Variants in KLHL8 observed in about 807,000 individuals in gnomAD.
KLHL8 encodes kelch like family member 8.
Under a neutral mutation model 63.5 loss-of-function variants are expected in KLHL8, and 38 were observed. That is an observed-to-expected ratio of 0.60 (90% CI 0.46 to 0.78). The LOEUF (loss-of-function observed/expected upper bound fraction) is 0.78, where lower values mean the gene tolerates loss of function less well. Ranked by LOEUF, KLHL8 falls within the 30% of genes least tolerant of loss-of-function variation. The pLI is 0.00. For synonymous variants in KLHL8, 224 were observed against 254.3 expected (o/e 0.88, Z 1.13); for missense variants, 566 against 752.4 (o/e 0.75, Z 2.90).
chr4:87,216,535 G>T (rs975060841), intron 1 of KLHL8, among the ~76,000 whole-genome samples: 5 of 151,964 alleles, frequency 3.3e-5, no homozygotes, highest in African/African-American at 1.2e-4. Context: ...TTTCTCCCCA[G>T]AAAAGTATAA....
intron 1 of KLHL8, among the ~76,000 whole-genome samples, chr4:87,203,808 A>G (rs1036477247): frequency 6.6e-6 from 1 of 151,994 alleles, no homozygotes; most frequent in Non-Finnish European, 1.5e-5. Context: ...GACTCCATCA[A>G]AATTAAAACC....
At chr4:87,204,229 A>G (rs532282436) in intron 1 of KLHL8, among the ~76,000 whole-genome samples, 1 of 152,118 alleles carries the variant, frequency 6.6e-6, no homozygotes, top group South Asian at 2.1e-4. Context: ...CCACATCCCC[A>G]TACACACACC....
At chr4:87,188,651 C>T (rs1165039971) in intron 2 of KLHL8, among the ~76,000 whole-genome samples, 1 of 152,116 alleles carries the variant, frequency 6.6e-6, no homozygotes, top group Non-Finnish European at 1.5e-5. Flanking sequence ...TGCACTGATT[C>T]TCCTTTGATG....
chr4:87,174,639 C>A (rs992029487), intron 6 of KLHL8, among the ~76,000 whole-genome samples: 1 of 151,978 alleles, frequency 6.6e-6, no homozygotes, highest in Non-Finnish European at 1.5e-5. Context: ...CTAAGATAGC[C>A]CTCTTCTCTC....
In KLHL8 at chr4:87,235,121, C is replaced by T. The variant is rs535414998; in HGVS notation, n.57+5137G>A. Among the ~76,000 whole-genome samples the T allele has an allele frequency of 3.3e-5, 5 of 152,116 alleles. No individual in the cohort carries two copies. In the South Asian group the frequency reaches 1.0e-3, roughly 32 times the overall value. On this transcript the variant is annotated intron_variant and non_coding_transcript_variant, in intron 1 of 1. Coordinates refer to the KLHL8 transcript ENST00000506274. ...TAAATATATTTTATTTATAGTGTAG[C>T]CTGACTGTACAGTGTTTGTAAAGTC... is the stretch of plus-strand genomic sequence containing the variant.
chr4:87,208,469 C>A (rs1732251559), intron 1 of KLHL8, among the ~76,000 whole-genome samples: 1 of 151,732 alleles, frequency 6.6e-6, no homozygotes, highest in African/African-American at 2.4e-5. Context: ...CAGGCTCCAG[C>A]AATCCTACAG....
At chr4:87,178,921 T>C (rs1422907698) in intron 4 of KLHL8, among the ~76,000 whole-genome samples, 2 of 152,206 alleles carry the variant, frequency 1.3e-5, no homozygotes, top group Non-Finnish European at 2.9e-5. Flanking sequence ...AATTTCTTAT[T>C]GAACACAATT....
intron 1 of KLHL8, among the ~76,000 whole-genome samples, chr4:87,232,661 G>T (rs924879423): frequency 1.3e-5 from 2 of 152,190 alleles, no homozygotes; most frequent in African/African-American, 4.8e-5. Context: ...TCCAGTGATC[G>T]TACATTCTGG....
intron 1 of KLHL8, among the ~76,000 whole-genome samples, chr4:87,218,946 G>A (rs935003289): frequency 1.3e-5 from 2 of 152,000 alleles, no homozygotes; most frequent in East Asian, 3.9e-4. Flanking sequence ...ATGTTGGCCA[G>A]ACTGGTCTCG....
At chr4:87,194,037 C>G (rs1488863637) in intron 2 of KLHL8, among the ~76,000 whole-genome samples, 1 of 152,116 alleles carries the variant, frequency 6.6e-6, no homozygotes, top group Non-Finnish European at 1.5e-5. Context: ...TTATTTTTCT[C>G]TTCTATTAAA....
upstream of KLHL8, among the ~76,000 whole-genome samples, chr4:87,225,523 G>A (rs1013451026): frequency 6.6e-6 from 1 of 152,148 alleles, no homozygotes; most frequent in Non-Finnish European, 1.5e-5. Context: ...GGGCCATAAG[G>A]TCTCTGTTGC....
Position 87,214,879 on chromosome 4 carries a change from G to GCCT in KLHL8, c.-152+5536_-152+5538dup, listed in dbSNP as rs1023635205. Among the ~76,000 whole-genome samples the GCCT allele has an allele frequency of 5.5e-4, 83 of 152,074 alleles. 1 individual carries two copies. The highest frequency in any genetic ancestry group is 5.3e-3 in the Admixed American group (81 of 15,276). ...AGTGGCACAATCTCAGCTCACTGCA[G>GCCT]CCTCCTCCTCCTGGGTTCACATGAT... On this transcript the variant is annotated intron_variant, in intron 1 of 9. Transcript: ENST00000273963.
At position 87,213,596 on chromosome 4, in the gene KLHL8, A is replaced by C. The variant is rs140592351; in HGVS notation, c.-152+6822T>G. Among the ~76,000 whole-genome samples, 606 of 152,252 alleles carry C rather than the reference A, an allele frequency of 4.0e-3. 3 individuals are homozygous for C. Among genetic ancestry groups the C allele is most frequent in the African/African-American group, 0.014 (589 of 41,542 alleles). ...ACATAGTTACTGACATTAGATTACT[A>C]CTAGCTACATTACTGGGAAGTTACC... is the stretch of plus-strand genomic sequence containing the variant. On this transcript the variant is annotated intron_variant, in intron 1 of 9. Coordinates refer to ENST00000273963, the MANE Select transcript of KLHL8 (RefSeq NM_020803.5).
chr4:87,176,731 C>G (rs111476215), intron 6 of KLHL8, 26 bp downstream of exon 6: 10 of 1,305,516 alleles, frequency 7.7e-6, no homozygotes, highest in African/African-American at 2.9e-5. Context: ...ACCATCAGTT[C>G]AAAATAACTT....
Position 87,163,396 on chromosome 4 carries a change from A to G in KLHL8, c.*123T>C. 1 of 952,236 alleles carries G rather than the reference A, an allele frequency of 1.1e-6. No homozygotes were observed. The highest frequency in any genetic ancestry group is 1.7e-5 in the South Asian group (1 of 58,564). 59.0% of individuals were successfully genotyped at this position (952,236 alleles called of 1,614,324 possible). ...AAAAGTTGTACTTAGTCACAATACAACAGTTAACATTTAAATAAGACTCTA... is the reference window on the plus strand; with the variant it reads ...AAAAGTTGTACTTAGTCACAATACAGCAGTTAACATTTAAATAAGACTCTA... On this transcript the variant is annotated 3_prime_UTR_variant, in exon 10 of 10. Coordinates refer to ENST00000273963, the MANE Select transcript of KLHL8 (RefSeq NM_020803.5).
At chr4:87,180,504 A>G (rs1731009143) in intron 4 of KLHL8, among the ~76,000 whole-genome samples, 1 of 152,274 alleles carries the variant, frequency 6.6e-6, no homozygotes, top group South Asian at 2.1e-4. Context: ...TTATGAAGAT[A>G]TAAAAGTACC....
chr4:87,226,967 TTA>T (rs1317066539), intron 1 of KLHL8, among the ~76,000 whole-genome samples: 2 of 53,166 alleles, frequency 3.8e-5, no homozygotes, highest in African/African-American at 1.2e-4. Flanking sequence ...GTAATATATA[TTA>T]TATATAAATA....
At chr4:87,175,030 C>A (rs1438758361) in intron 6 of KLHL8, among the ~76,000 whole-genome samples, 1 of 152,146 alleles carries the variant, frequency 6.6e-6, no homozygotes, top group East Asian at 1.9e-4. Flanking sequence ...GTATTACTAA[C>A]CTGCTAGTTT....
chr4:87,178,799 A>G (rs551060255), intron 4 of KLHL8, among the ~76,000 whole-genome samples, 179 bp from the exon 5 acceptor site: 8 of 152,204 alleles, frequency 5.3e-5, no homozygotes, highest in African/African-American at 1.2e-4. Context: ...AGAATAGGGT[A>G]TATCAACTAT....
Sources: gnomAD v4.1 joint callset for allele counts (sites outside exome capture counted in the v4.1 genomes callset) on GRCh38, gnomAD v4.1.1 for gene constraint, MANE v1.5 for transcripts, NCBI Gene and HGNC (gene_info 2026-07-23, HGNC 2026-07-21) for gene names.